NRG1: variants seen among roughly 807,000 people sequenced by gnomAD.
NRG1 encodes the protein pro-neuregulin-1, membrane-bound isoform.
A neutral mutation model predicts 63.8 loss-of-function variants in NRG1; 18 were observed. That is an observed-to-expected ratio of 0.28 (90% CI 0.19 to 0.42). The LOEUF (loss-of-function observed/expected upper bound fraction) is 0.42. Among genes scored for constraint, NRG1 ranks in the 10% least tolerant of loss-of-function variants. The pLI is 1.00. For missense variants in NRG1, 762 were observed against 814.7 expected (o/e 0.94, Z 0.79); for synonymous variants, 302 against 301.3 (o/e 1.00, Z -0.02).
chr8:31,781,610 C>T (rs2131615620), intron 1 of NRG1, among the ~76,000 whole-genome samples: 1 of 152,216 alleles, frequency 6.6e-6, no homozygotes, highest in African/African-American at 2.4e-5. Flanking sequence ...AACAGATGTT[C>T]AGAGAAGATG....
intron 1 of NRG1, among the ~76,000 whole-genome samples, chr8:32,133,562 A>G (rs1835126648): frequency 6.6e-6 from 1 of 152,126 alleles, no homozygotes; most frequent in African/African-American, 2.4e-5. Context: ...AAATATTTTC[A>G]TTCTTTCCTA....
intron 1 of NRG1, among the ~76,000 whole-genome samples, chr8:32,288,987 G>A (rs909798556): frequency 2.0e-5 from 3 of 152,052 alleles, no homozygotes; most frequent in Admixed American, 1.3e-4. Flanking sequence ...ATATAACCAC[G>A]CAAACTGGCT....
At chr8:32,156,415 G>A (rs1838070000) in intron 1 of NRG1, among the ~76,000 whole-genome samples, 1 of 152,148 alleles carries the variant, frequency 6.6e-6, no homozygotes, top group African/African-American at 2.4e-5. Flanking sequence ...ATACTTTTTA[G>A]ATTATGCTTT....
intron 10 of NRG1, 146 bp downstream of exon 10, chr8:32,759,582 T>A: frequency 3.0e-6 from 3 of 988,556 alleles, no homozygotes; most frequent in South Asian, 3.7e-5. Context: ...GCTTTGCCCT[T>A]AATTCCTGCA....
At chr8:32,763,970 G>A in exon 12 of NRG1, 1 of 1,614,070 alleles carries the variant, frequency 6.2e-7, no homozygotes, top group Non-Finnish European at 8.5e-7. Context: ...ACCCTCAGCA[G>A]TTCAGCTCCT....
In NRG1 at chr8:31,917,880, A is replaced by C. The variant is rs144203026; in HGVS notation, c.37+278449A>C. ...ATTTGTTTGTAACCTCTTTAATTTCATTGAGCAGTGGTTTGTAGTTCTCCT... is the reference window on the plus strand; with the variant it reads ...ATTTGTTTGTAACCTCTTTAATTTCCTTGAGCAGTGGTTTGTAGTTCTCCT... On this transcript the variant is annotated intron_variant, in intron 1 of 10. Transcript: ENST00000519301. Among the ~76,000 whole-genome samples the C allele has an allele frequency of 2.4e-3, 363 of 152,100 alleles. 4 individuals are homozygous for C. Among genetic ancestry groups the C allele is most frequent in the African/African-American group, 8.1e-3 (338 of 41,490 alleles).
chr8:32,609,592 TTCCTTCC>T (rs1563760774), intron 3 of NRG1, among the ~76,000 whole-genome samples: 4 of 133,712 alleles, frequency 3.0e-5, no homozygotes, highest in Middle Eastern at 3.4e-3. Flanking sequence ...CCTTCCTTCC[TTCCTTCC>T]TTCCTTCCTT....
chr8:31,913,443 A>G (rs1376679783), intron 1 of NRG1, among the ~76,000 whole-genome samples: 2 of 152,186 alleles, frequency 1.3e-5, no homozygotes. Context: ...CTTTCAAATG[A>G]GGAGATTGCT....
intron 1 of NRG1, among the ~76,000 whole-genome samples, chr8:31,695,488 T>G (rs1585725800): frequency 6.6e-6 from 1 of 152,138 alleles, no homozygotes; most frequent in East Asian, 1.9e-4. Context: ...TTTAAATCTT[T>G]TAAATAACCA....
chr8:32,690,938 AGTGTGTGTGT>A lies in NRG1; in HGVS notation c.503-36978_503-36969del, dbSNP rs113081002. Reference sequence around the variant, plus strand: ...TTGGAGATTTTATTGTTTCCCTCTCAGTGTGTGTGTGTGTGTGTGTGTGTGTGTGTGTGTG... The same window carrying A: ...TTGGAGATTTTATTGTTTCCCTCTCAGTGTGTGTGTGTGTGTGTGTGTGTG... On this transcript the variant is annotated intron_variant, in intron 5 of 11. Coordinates refer to ENST00000356819, the Ensembl canonical transcript of NRG1. Among the ~76,000 whole-genome samples the A allele has an allele frequency of 3.3e-4, 43 of 131,176 alleles. No individual in the cohort carries two copies. The South Asian group carries it at 5.1e-3, about 16-fold the overall frequency. The allele number at this position is 131,176 out of a possible 152,430, so 86.1% of individuals were successfully genotyped here. A position where few individuals can be genotyped will look rare whatever the true frequency, so the allele number is the denominator to read the frequency against.
intron 7 of NRG1, among the ~76,000 whole-genome samples, chr8:32,748,038 A>C (rs778091503): frequency 7.9e-5 from 12 of 151,982 alleles, no homozygotes; most frequent in Admixed American, 2.6e-4. Context: ...AAAGTCACTA[A>C]AAAGTTCCAC....
intron 1 of NRG1, among the ~76,000 whole-genome samples, chr8:31,916,407 C>G (rs2448978): frequency 6.6e-6 from 1 of 151,756 alleles, no homozygotes; most frequent in Admixed American, 6.6e-5. Context: ...TCCTGTGTCC[C>G]TGTGTTCTCA....
At chr8:32,389,805 G>C (rs1263966437) in intron 1 of NRG1, among the ~76,000 whole-genome samples, 1 of 150,036 alleles carries the variant, frequency 6.7e-6, no homozygotes, top group African/African-American at 2.5e-5. Context: ...CTGTCACCCA[G>C]GTTGGAGTGC....
chr8:32,196,943 CTTTTTTTTTTTTTTTTTTTTT>C (rs773398472), intron 1 of NRG1, among the ~76,000 whole-genome samples: 5 of 27,446 alleles, frequency 1.8e-4, no homozygotes, highest in Admixed American at 7.9e-4. Flanking sequence ...TCAGAACATT[CTTTTTTTTTTTTTTTTTTTTT>C]TTTTTTTTTT....
intron 1 of NRG1, among the ~76,000 whole-genome samples, chr8:31,806,144 G>T (rs1354717034): frequency 6.6e-6 from 1 of 152,042 alleles, no homozygotes. Flanking sequence ...GCCAAATCTT[G>T]ATTATAATAG....
At chr8:31,796,281 A>T (rs1586474321) in intron 1 of NRG1, among the ~76,000 whole-genome samples, 1 of 152,104 alleles carries the variant, frequency 6.6e-6, no homozygotes, top group Middle Eastern at 3.4e-3. Flanking sequence ...ATTCTGTTTT[A>T]CTCAGGCTAT....
chr8:31,886,821 G>C (rs1391067066), intron 1 of NRG1, among the ~76,000 whole-genome samples: 2 of 152,032 alleles, frequency 1.3e-5, no homozygotes, highest in Non-Finnish European at 2.9e-5. Flanking sequence ...GCAACACAGT[G>C]AGAAACCTGT....
At chr8:32,053,649 G>T (rs1054573106) in intron 1 of NRG1, among the ~76,000 whole-genome samples, 1 of 152,104 alleles carries the variant, frequency 6.6e-6, no homozygotes, top group Non-Finnish European at 1.5e-5. Flanking sequence ...ACATAACAAG[G>T]GTCAAAGATT....
chr8:32,354,198 G>A (rs62497646), intron 1 of NRG1, among the ~76,000 whole-genome samples: 4,323 of 152,012 alleles, frequency 0.028, 88 homozygotes, highest in Non-Finnish European at 0.045. Flanking sequence ...GCAAAACCCC[G>A]TCTCTACTAA....
Sources: allele counts gnomAD v4.1 joint callset (sites outside exome capture counted in the v4.1 genomes callset), GRCh38; gene constraint gnomAD v4.1.1; transcripts MANE v1.5; gene names NCBI Gene and HGNC (gene_info 2026-07-23, HGNC 2026-07-21).